The following JPH2 variants were observed in gnomAD, a reference collection of about 807,000 sequenced individuals.
JPH2 encodes the protein junctophilin-2.
Under a neutral mutation model 55.9 loss-of-function variants are expected in JPH2, and 38 were observed. That is an observed-to-expected ratio of 0.68 (90% CI 0.52 to 0.89). The LOEUF (loss-of-function observed/expected upper bound fraction) is 0.89, where lower values mean the gene tolerates loss of function less well. JPH2 is among the 40% of genes least tolerant of loss of function. JPH2 has a pLI of 0.00. For synonymous variants in JPH2, 480 were observed against 472.4 expected, an observed-to-expected ratio of 1.02 and a Z score of -0.21; for missense variants, 964 against 1,037.6, an observed-to-expected ratio of 0.93 and a Z score of 0.97.
intron 2 of JPH2, among the ~76,000 whole-genome samples, chr20:44,158,600 G>A (rs2072581571): frequency 6.6e-6 from 1 of 152,214 alleles, no homozygotes; most frequent in African/African-American, 2.4e-5. Context: ...GACAACATTA[G>A]AACTTTATCT....
chr20:44,143,981 AGGCAAGGAGG>A lies in JPH2; in HGVS notation c.1169+15627_1169+15636del, dbSNP rs57453050. On this transcript the variant is annotated intron_variant, in intron 2 of 5. Transcript: ENST00000372980. Reference sequence around the variant, plus strand: ...CTCCCCAAAGAACCAGAGGCTCGAGAGGCAAGGAGGGGTGGCATGGAGGCAAGGCTTGGGT... The same window carrying A: ...CTCCCCAAAGAACCAGAGGCTCGAGAGGTGGCATGGAGGCAAGGCTTGGGT... Among the ~76,000 whole-genome samples the A allele has an allele frequency of 8.4e-3, 1,279 of 152,164 alleles. 16 individuals carry two copies. Among genetic ancestry groups the A allele is most frequent in the African/African-American group, 0.029 (1,218 of 41,518 alleles).
Position 44,134,649 on chromosome 20 carries a change from T to A in JPH2, c.1170-16026A>T, listed in dbSNP as rs1177398752. Among the ~76,000 whole-genome samples, 133 of 39,296 alleles carry A rather than the reference T, an allele frequency of 3.4e-3. 13 individuals carry two copies. The highest frequency in any genetic ancestry group is 0.013 in the African/African-American group (109 of 8,214). The allele number at this position is 39,296 out of a possible 152,430, so 25.8% of individuals were successfully genotyped here. On this transcript the variant is annotated intron_variant, in intron 2 of 5. Coordinates refer to ENST00000372980, the MANE Select transcript of JPH2 (RefSeq NM_020433.5). ...ATATTTATTATAAATATATAAATATTTATTATAAATATATATAAATATATA... is the reference window on the plus strand; with the variant it reads ...ATATTTATTATAAATATATAAATATATATTATAAATATATATAAATATATA...
chr20:44,156,985 C>T (rs1453942708), intron 2 of JPH2, among the ~76,000 whole-genome samples: 1 of 152,208 alleles, frequency 6.6e-6, no homozygotes, highest in Non-Finnish European at 1.5e-5. Context: ...AAGCTAGAGG[C>T]TGATGCTTGG....
At position 44,108,555 on chromosome 20, in the gene JPH2, A is replaced by C. The variant is rs967694365; in HGVS notation, c.*4963T>G. Among the ~76,000 whole-genome samples, 1 of 151,622 alleles carries C rather than the reference A, an allele frequency of 6.6e-6. No homozygotes were observed. Among genetic ancestry groups the C allele is most frequent in the African/African-American group, 2.4e-5 (1 of 41,180 alleles). ...GCTGACTTTACAGCCTCAAGATGTAAATAGCTTTAAAAGGTCACTAAGAAG... is the reference window on the plus strand; with the variant it reads ...GCTGACTTTACAGCCTCAAGATGTACATAGCTTTAAAAGGTCACTAAGAAG... On this transcript the variant is annotated 3_prime_UTR_variant, in exon 6 of 6. Coordinates refer to ENST00000372980, the MANE Select transcript of JPH2 (RefSeq NM_020433.5).
intron 2 of JPH2, among the ~76,000 whole-genome samples, chr20:44,145,318 A>G (rs1193828969): frequency 3.3e-5 from 5 of 152,116 alleles, no homozygotes; most frequent in African/African-American, 1.2e-4. Flanking sequence ...TGAAAAGTAA[A>G]GCTGGACCAG....
rs1032660557 is a variant in JPH2, at chr20:44,159,382, G to C, written c.1169+236C>G. ...TGGCTGTTCAGGTGGATATTAGAAA[G>C]GTTGGGTGAGTGGTAGGGTTAAGTC... On this transcript the variant is annotated intron_variant, in intron 2 of 5. Coordinates refer to ENST00000372980, the MANE Select transcript of JPH2 (RefSeq NM_020433.5). This position sits in a 1 kb window ranked among gnomAD's most constrained non-coding sequence, Gnocchi z 5.7. Among the ~76,000 whole-genome samples, 3 of 152,108 alleles carry C rather than the reference G, an allele frequency of 2.0e-5. No homozygotes were observed. Among genetic ancestry groups the C allele is most frequent in the African/African-American group, 7.2e-5 (3 of 41,402 alleles).
At chr20:44,147,181 G>C (rs191231351) in intron 2 of JPH2, among the ~76,000 whole-genome samples, 1 of 152,196 alleles carries the variant, frequency 6.6e-6, no homozygotes, top group Non-Finnish European at 1.5e-5. Context: ...AAAGGCCCAC[G>C]TGAATTGCCA....
intron 1 of JPH2, 46 bp downstream of exon 1, chr20:44,186,281 C>T: frequency 6.2e-7 from 1 of 1,600,622 alleles, no homozygotes; most frequent in Non-Finnish European, 8.5e-7. Context: ...GGTTTCTCAC[C>T]CTCCCTGGCT....
At chr20:44,138,704 A>G (rs1232685222) in intron 2 of JPH2, among the ~76,000 whole-genome samples, 1 of 152,100 alleles carries the variant, frequency 6.6e-6, no homozygotes, top group Non-Finnish European at 1.5e-5. Flanking sequence ...TAAGCAACTG[A>G]GGGATGGGGT....
rs1455865849 is a variant in JPH2 at position 44,111,928 on chromosome 20, T to G, written c.*1590A>C. The G allele has an allele frequency of 2.6e-5, 4 of 152,372 alleles. No individual in the cohort carries two copies. Among genetic ancestry groups the G allele is most frequent in the African/African-American group, 9.7e-5 (4 of 41,398 alleles). 9.4% of individuals were successfully genotyped at this position (152,372 alleles called of 1,614,324 possible). A position where few individuals can be genotyped will look rare whatever the true frequency, so the allele number is the denominator to read the frequency against. On this transcript the variant is annotated 3_prime_UTR_variant, in exon 6 of 6. Coordinates refer to ENST00000372980, the MANE Select transcript of JPH2 (RefSeq NM_020433.5). ...CATTCCCCTCATGCTCCAGGAGTCT[T>G]GAGAAGCTCAGATGCAGATGCAGAG...
chr20:44,187,005 C>T lies in JPH2; in HGVS notation c.-300G>A. The T allele has an allele frequency of 2.0e-6, 1 of 490,816 alleles. No individual in the cohort carries two copies. The highest frequency in any genetic ancestry group is 2.6e-5 in the South Asian group (1 of 38,686). The allele number at this position is 490,816 out of a possible 1,614,324, so 30.4% of individuals were successfully genotyped here. A position where few individuals can be genotyped will look rare whatever the true frequency, so the allele number is the denominator to read the frequency against. ...GTCCCCACAAAGCGTCCCAAGTCTG[C>T]CTTCCAAGAAGTCCAAGGGAAAACG... On this transcript the variant is annotated 5_prime_UTR_variant, in exon 1 of 6. Coordinates refer to ENST00000372980, the MANE Select transcript of JPH2 (RefSeq NM_020433.5).
At chr20:44,157,961 G>C (rs939725693) in intron 2 of JPH2, among the ~76,000 whole-genome samples, 2 of 152,116 alleles carry the variant, frequency 1.3e-5, no homozygotes, top group African/African-American at 2.4e-5. Flanking sequence ...AGGTTGAAAG[G>C]GGTACCCCAC....
rs889226210 is a variant in JPH2 at position 44,161,000 on chromosome 20, C to T, written c.380-593G>A. ...CTGAGGTGGGAGGATCACCTGAGCC[C>T]GGGAGGTCGAGGCTGCAGTGAGCCA... On this transcript the variant is annotated intron_variant, in intron 1 of 5. Coordinates refer to ENST00000372980, the MANE Select transcript of JPH2 (RefSeq NM_020433.5). This position sits in a 1 kb window ranked among gnomAD's most constrained non-coding sequence, Gnocchi z 4.9. Among the ~76,000 whole-genome samples the T allele has an allele frequency of 2.0e-5, 3 of 152,016 alleles. No homozygotes were observed. The highest frequency in any genetic ancestry group is 7.3e-5 in the African/African-American group (3 of 41,372).
chr20:44,136,797 A>G (rs945225173), intron 2 of JPH2, among the ~76,000 whole-genome samples: 1 of 152,220 alleles, frequency 6.6e-6, no homozygotes, highest in Admixed American at 6.5e-5. Flanking sequence ...CCCCATCTGT[A>G]AAATGGGTTA....
At chr20:44,148,981 G>A (rs1171485363) in intron 2 of JPH2, among the ~76,000 whole-genome samples, 1 of 151,832 alleles carries the variant, frequency 6.6e-6, no homozygotes, top group Non-Finnish European at 1.5e-5. Flanking sequence ...GCAGGAGAAT[G>A]GCGTGAACCT....
At chr20:44,177,486 G>A in intron 1 of JPH2, 1 of 998,242 alleles carries the variant, frequency 1.0e-6, no homozygotes, top group Middle Eastern at 5.2e-4. Flanking sequence ...GCCGTGGACA[G>A]GAAAGACTAA....
intron 2 of JPH2, among the ~76,000 whole-genome samples, chr20:44,134,378 T>TA (rs1383621910): frequency 3.3e-5 from 1 of 30,616 alleles, no homozygotes; most frequent in African/African-American, 1.6e-4. Flanking sequence ...TATAAATATA[T>TA]ATAAATAAAT....
chr20:44,180,128 G>T lies in JPH2; in HGVS notation c.379+6199C>A, dbSNP rs536728160. On this transcript the variant is annotated intron_variant, in intron 1 of 5. Coordinates refer to ENST00000372980, the MANE Select transcript of JPH2 (RefSeq NM_020433.5). ...AGCTACTGAGGAGGCTGAGGCAGGA[G>T]AATTGCTTGAATCCAGGAGGCAGAG... is the stretch of plus-strand genomic sequence containing the variant. Among the ~76,000 whole-genome samples, 3 of 152,324 alleles carry T rather than the reference G, an allele frequency of 2.0e-5. No individual in the cohort carries two copies. The South Asian group carries it at 6.2e-4, about 32-fold the overall frequency.
At position 44,106,686 on chromosome 20, in the gene JPH2, C is replaced by G. The variant is rs931983195; in HGVS notation, c.*6832G>C. Among the ~76,000 whole-genome samples the G allele has an allele frequency of 9.2e-5, 14 of 152,172 alleles. No homozygotes were observed. Among genetic ancestry groups the G allele is most frequent in the African/African-American group, 3.1e-4 (13 of 41,444 alleles). On this transcript the variant is annotated 3_prime_UTR_variant, in exon 6 of 6. Transcript: ENST00000372980. The stretch of plus-strand genomic sequence containing the variant: ...ACAAGGAGGAGCAAGTCACATCTTA[C>G]TAGATGGCAGCAGGCAAAGAGAGGA...
Sources: allele counts gnomAD v4.1 joint callset (sites outside exome capture counted in the v4.1 genomes callset), GRCh38; gene constraint gnomAD v4.1.1; non-coding constraint Gnocchi (gnomAD v3.1); transcripts MANE v1.5; gene names NCBI Gene and HGNC (gene_info 2026-07-23, HGNC 2026-07-21).